The following TESK2 variants were observed in gnomAD, a reference collection of about 807,000 sequenced individuals.
TESK2 encodes testis associated actin remodelling kinase 2.
In TESK2, 39 loss-of-function variants were observed where a neutral mutation model predicts 57.1. The ratio of observed to expected loss-of-function variants is 0.68; its 90% CI spans 0.53 to 0.89. The LOEUF is 0.89. TESK2 is among the 40% of genes least tolerant of loss of function. The pLI, the probability that TESK2 is intolerant of heterozygous loss-of-function variation, is 0.00. For missense variants in TESK2, 646 were observed against 732.1 expected (o/e 0.88, Z 1.36); for synonymous variants, 249 against 267.9 (o/e 0.93, Z 0.69).
chr1:45,454,425 ATTTT>A (rs1243155472), intron 2 of TESK2, among the ~76,000 whole-genome samples: 1 of 151,712 alleles, frequency 6.6e-6, no homozygotes, highest in Non-Finnish European at 1.5e-5. Context: ...TTTATTTTTT[ATTTT>A]TTTATTATTT....
At chr1:45,380,899 T>C (rs1482702118) in intron 4 of TESK2, among the ~76,000 whole-genome samples, 1 of 152,222 alleles carries the variant, frequency 6.6e-6, no homozygotes, top group Non-Finnish European at 1.5e-5. Context: ...ATACTATGCA[T>C]GCTACACACA....
chr1:45,354,816 ATATATATATATATATATATATATAT>A (rs1420950526), intron 5 of TESK2, among the ~76,000 whole-genome samples: 7 of 14,862 alleles, frequency 4.7e-4, no homozygotes, highest in African/African-American at 2.6e-3. Flanking sequence ...AAAAAAAAAA[ATATATATATATATATATATATATAT>A]ATATATATGT....
chr1:45,358,932 G>GCA (rs755387902), intron 4 of TESK2, among the ~76,000 whole-genome samples: 38 of 152,186 alleles, frequency 2.5e-4, no homozygotes, highest in Admixed American at 1.6e-3. Context: ...GCCTCATGCA[G>GCA]CACAGGAGCT....
intron 1 of TESK2, among the ~76,000 whole-genome samples, chr1:45,471,130 C>T (rs943108530): frequency 2.6e-5 from 4 of 152,010 alleles, no homozygotes; most frequent in African/African-American, 7.2e-5. Context: ...ACTCAGGAGG[C>T]TGAGGCAGAA....
chr1:45,418,658 C>T (rs143273202), intron 3 of TESK2, among the ~76,000 whole-genome samples: 10 of 152,148 alleles, frequency 6.6e-5, no homozygotes, highest in African/African-American at 2.4e-4. Context: ...AGTAACACAC[C>T]CAGTATACAA....
chr1:45,374,384 T>C lies in TESK2; in HGVS notation c.393+11528A>G, dbSNP rs544464908. ...ATAGTCAGCCAAAACTTGATTTAAA[T>C]CCTAGCTCAGCTACAAGACCTTAGC... On this transcript the variant is annotated intron_variant, in intron 4 of 10. Transcript: ENST00000372086. 4.6e-5 allele frequency among the ~76,000 whole-genome samples: 7 copies of C among 152,276 alleles called. No homozygotes were observed. In the East Asian group the frequency reaches 1.2e-3, roughly 25 times the overall value.
At chr1:45,417,514 C>G (rs1650291243) in intron 3 of TESK2, among the ~76,000 whole-genome samples, 2 of 152,126 alleles carry the variant, frequency 1.3e-5, no homozygotes, top group Non-Finnish European at 2.9e-5. Context: ...GATGCAATCT[C>G]ATTTGTCTAT....
chr1:45,388,023 GATTA>G (rs1325510054), intron 3 of TESK2, among the ~76,000 whole-genome samples: 2 of 151,702 alleles, frequency 1.3e-5, no homozygotes, highest in Non-Finnish European at 2.9e-5. Context: ...TAAATAAATT[GATTA>G]ATTAATTAAT....
intron 1 of TESK2, among the ~76,000 whole-genome samples, chr1:45,477,978 T>C (rs1234535395): frequency 6.6e-6 from 1 of 152,202 alleles, no homozygotes; most frequent in African/African-American, 2.4e-5. Flanking sequence ...TTGGTCTTCC[T>C]AGCTCCACTC....
chr1:45,377,891 TG>T (rs922121792), intron 4 of TESK2, among the ~76,000 whole-genome samples: 15 of 151,820 alleles, frequency 9.9e-5, no homozygotes, highest in African/African-American at 3.6e-4. Flanking sequence ...CTGGGTGTGG[TG>T]GTGTGCGCCT....
intron 3 of TESK2, among the ~76,000 whole-genome samples, chr1:45,420,497 T>G (rs1650427116): frequency 6.6e-6 from 1 of 151,300 alleles, no homozygotes; most frequent in African/African-American, 2.4e-5. Flanking sequence ...GCTCAAGAGA[T>G]CCACCCACCT....
chr1:45,437,612 T>A (rs1053081647), intron 2 of TESK2, among the ~76,000 whole-genome samples: 4 of 152,192 alleles, frequency 2.6e-5, no homozygotes, highest in African/African-American at 9.6e-5. Flanking sequence ...AAAGTGAGCA[T>A]CCTTGTTCCA....
chr1:45,417,654 C>T (rs540377596), intron 3 of TESK2, among the ~76,000 whole-genome samples: 33 of 151,778 alleles, frequency 2.2e-4, no homozygotes, highest in African/African-American at 2.4e-4. Flanking sequence ...TGCGGTGGCG[C>T]GATCTCGGCT....
At chr1:45,430,817 A>T (rs1288938721) in intron 2 of TESK2, among the ~76,000 whole-genome samples, 1 of 152,104 alleles carries the variant, frequency 6.6e-6, no homozygotes, top group Admixed American at 6.6e-5. Context: ...TGTGGGTTAC[A>T]CCTCACTTGC....
chr1:45,398,146 CA>C lies in TESK2; in HGVS notation c.345-12187del, dbSNP rs1649441325. Among the ~76,000 whole-genome samples the C allele has an allele frequency of 3.9e-5, 6 of 152,196 alleles. No homozygotes were observed. The South Asian group carries it at 1.2e-3, about 32-fold the overall frequency. ...CTACTCTCGAACTCCTGGCCTCAAG[CA>C]ATTCTTCTGTTTCAGCCTCCCAAAG... On this transcript the variant is annotated intron_variant, in intron 3 of 10. Transcript: ENST00000372086.
Position 45,345,101 on chromosome 1 carries a change from G to T in TESK2, c.1455C>A (p.Arg485=), listed in dbSNP as rs1557535281. The part of the protein sequence containing the change: ...EESLSDGPPP[R]LSSLKYRVKE... ...TAACTCTGTACTTGAGACTACTTAGGCGTGGTGGGGGCCCATCAGATAGCG... is the reference window on the plus strand; with the variant it reads ...TAACTCTGTACTTGAGACTACTTAGTCGTGGTGGGGGCCCATCAGATAGCG... The change falls in exon 11 of 11, where the codon CGC becomes CGA. Residue 485 remains arginine, a synonymous_variant. Coordinates refer to ENST00000372086, the MANE Select transcript of TESK2 (RefSeq NM_007170.3). 6.2e-7 allele frequency: 1 copy of T among 1,614,162 alleles called. No individual in the cohort carries two copies. The highest frequency in any genetic ancestry group is 8.5e-7 in the Non-Finnish European group (1 of 1,180,038).
At chr1:45,441,081 C>T (rs1651425901) in intron 2 of TESK2, among the ~76,000 whole-genome samples, 1 of 152,234 alleles carries the variant, frequency 6.6e-6, no homozygotes, top group Non-Finnish European at 1.5e-5. Flanking sequence ...GACTTGGACT[C>T]TTAAACTACA....
chr1:45,476,956 C>T (rs894064683), intron 1 of TESK2, among the ~76,000 whole-genome samples: 2 of 151,306 alleles, frequency 1.3e-5, no homozygotes, highest in African/African-American at 4.9e-5. Flanking sequence ...CAGGAGCCAC[C>T]GCACCTGGCC....
intron 2 of TESK2, among the ~76,000 whole-genome samples, chr1:45,439,374 T>C (rs1651350826): frequency 6.6e-6 from 1 of 152,198 alleles, no homozygotes; most frequent in Admixed American, 6.6e-5. Context: ...TGTAACTACT[T>C]ACAAGATTGT....
Sources: gnomAD v4.1 joint callset for allele counts (sites outside exome capture counted in the v4.1 genomes callset) on GRCh38, gnomAD v4.1.1 for gene constraint, MANE v1.5 for transcripts, NCBI Gene and HGNC (gene_info 2026-07-23, HGNC 2026-07-21) for gene names.